Variants in NT5DC2 observed in about 807,000 individuals in gnomAD.
NT5DC2 encodes 5'-nucleotidase domain-containing protein 2.
In NT5DC2, 41 loss-of-function variants were observed where a neutral mutation model predicts 70.0. The ratio of observed to expected loss-of-function variants is 0.59; its 90% CI spans 0.46 to 0.76. NT5DC2 has a LOEUF of 0.76. Among genes scored for constraint, NT5DC2 ranks in the 30% least tolerant of loss-of-function variants. NT5DC2 has a pLI of 0.00. For missense variants in NT5DC2, 705 were observed against 783.2 expected, an observed-to-expected ratio of 0.90 and a Z score of 1.19; for synonymous variants, 299 against 310.4, an observed-to-expected ratio of 0.96 and a Z score of 0.39.
chr3:52,524,622 C>T lies in NT5DC2; in HGVS notation c.1522G>A (p.Ala508Thr). 2 of 1,613,118 alleles carry T rather than the reference C, an allele frequency of 1.2e-6. No homozygotes were observed. Among genetic ancestry groups the T allele is most frequent in the Non-Finnish European group, 1.7e-6 (2 of 1,180,024 alleles). Residue 508 changes from alanine to threonine, a missense_variant, in exon 14 of 14, where the codon GCC becomes ACC. Physicochemically the swap from Ala to Thr is moderately conservative, Grantham distance 58. Coordinates refer to ENST00000422318, the MANE Select transcript of NT5DC2 (RefSeq NM_001134231.2). The part of the protein sequence containing the change: ...RLVRFSDLYM[A>T]SLSCLLNYRV... ...TAGTTGAGCAGGCAGCTGAGGGAGG[C>T]CATGTAGAGGTCAGAGAAGCGCACG...
chr3:52,534,367 G>C (rs867287695), upstream of NT5DC2: 32 of 1,091,280 alleles, frequency 2.9e-5, no homozygotes, highest in African/African-American at 6.2e-5. Flanking sequence ...AACAAATAAA[G>C]AGCCCTTCCC....
At chr3:52,533,892 C>T (rs1559742693), upstream of NT5DC2, 4 of 949,364 alleles carry the variant, frequency 4.2e-6, no homozygotes, top group Non-Finnish European at 5.0e-6. Flanking sequence ...TGCCAATGGG[C>T]GCGCCCCTCG....
chr3:52,533,868 C>T (rs1359982393), upstream of NT5DC2: 8 of 977,186 alleles, frequency 8.2e-6, no homozygotes, highest in Non-Finnish European at 9.7e-6. Context: ...GGGTGCGGCG[C>T]GCGGAGCCCG....
At position 52,533,814 on chromosome 3, in the gene NT5DC2, C is replaced by T; in HGVS notation, c.-77G>A. The T allele has an allele frequency of 2.1e-6, 2 of 967,232 alleles. No homozygotes were observed. The highest frequency in any genetic ancestry group is 2.4e-6 in the Non-Finnish European group (2 of 822,716). 59.9% of individuals were successfully genotyped at this position (967,232 alleles called of 1,614,324 possible). ...CGCCGCCCGCCGCCCTCCGACTGCG[C>T]GCCCGCCACGGTGGCCTCGTGCTCC... On this transcript the variant is annotated 5_prime_UTR_variant, in exon 1 of 14. Transcript: ENST00000422318.
rs752535860 is a variant in NT5DC2 at position 52,524,437 on chromosome 3, G to GC, written c.*32dup. 1 of 1,611,956 alleles carries GC rather than the reference G, an allele frequency of 6.2e-7. No individual in the cohort carries two copies. The highest frequency in any genetic ancestry group is 8.5e-7 in the Non-Finnish European group (1 of 1,179,266). ...TGTCTGGGTGGATGGGGCAGGAGGGGCTGAGGGCCTGTCCCAGACAATAAA... is the reference window on the plus strand; with the variant it reads ...TGTCTGGGTGGATGGGGCAGGAGGGGCCTGAGGGCCTGTCCCAGACAATAAA... On this transcript the variant is annotated 3_prime_UTR_variant, in exon 14 of 14. Transcript: ENST00000422318.
chr3:52,533,400 G>A (rs765140839), intron 1 of NT5DC2, 106 bp downstream of exon 1: 12 of 1,224,592 alleles, frequency 9.8e-6, no homozygotes, highest in South Asian at 4.4e-5. Flanking sequence ...GGGCCCTGGC[G>A]AGCCCCACTG....
rs1011766754 is a variant in NT5DC2, at chr3:52,529,427, G to T, written c.233-93C>A. 1 of 1,264,254 alleles carries T rather than the reference G, an allele frequency of 7.9e-7. No individual in the cohort carries two copies. The highest frequency in any genetic ancestry group is 1.1e-6 in the Non-Finnish European group (1 of 899,728). The allele number at this position is 1,264,254 out of a possible 1,614,324, so 78.3% of individuals were successfully genotyped here. ...GCACTCTGTGGGGACCTAGCCCTGT[G>T]AGCCTCAGAAACGCCCCACAATGGC... On this transcript the variant is annotated intron_variant, in intron 1 of 13. Transcript: ENST00000422318. This position sits in a 1 kb window ranked among gnomAD's most constrained non-coding sequence, Gnocchi z 4.1.
intron 6 of NT5DC2, 29 bp downstream of exon 6, chr3:52,528,154 C>A (rs1255414999): frequency 1.2e-6 from 2 of 1,612,978 alleles, no homozygotes; most frequent in Non-Finnish European, 8.5e-7. Context: ...GTCTTTCCTG[C>A]CATCCGAGGG....
At position 52,524,521 on chromosome 3, in the gene NT5DC2, G is replaced by A. The variant is rs761853841; in HGVS notation, c.1623C>T (p.Cys541=). The change falls in exon 14 of 14, where the codon TGC becomes TGT. Residue 541 remains cysteine, a synonymous_variant. Transcript: ENST00000422318. ...HEAPLWMDQL[C]TGCMKTPFLG... ...GGAAGGGGGTCTTCATGCAGCCGGT[G>A]CAGAGCTGGTCCATCCAGAGGGGTG... is the stretch of plus-strand genomic sequence containing the variant. 1.2e-5 allele frequency: 20 copies of A among 1,613,000 alleles called. No homozygotes were observed. In the Admixed American group the frequency reaches 3.3e-4, roughly 27 times the overall value.
At position 52,525,056 on chromosome 3, in the gene NT5DC2, C is replaced by T; in HGVS notation, c.1254G>A (p.Glu418=). 1 of 1,597,300 alleles carries T rather than the reference C, an allele frequency of 6.3e-7. No individual in the cohort carries two copies. The highest frequency in any genetic ancestry group is 1.7e-4 in the Middle Eastern group (1 of 6,038). The change falls in exon 12 of 14, where the codon GAG becomes GAA. Residue 418 remains glutamate, a synonymous_variant. Transcript: ENST00000422318. ...HGWRTGAIIP[E]LEREIRIINT... The stretch of plus-strand genomic sequence containing the variant: ...TGATGATGCGGATCTCACGCTCCAG[C>T]TCGGGGATGATGGCGCCTGTGCGCC...
Position 52,524,627 on chromosome 3 carries a change from T to C in NT5DC2, c.1517A>G (p.Tyr506Cys), listed in dbSNP as rs1021601040. 3 of 1,613,106 alleles carry C rather than the reference T, an allele frequency of 1.9e-6. No individual in the cohort carries two copies. Among genetic ancestry groups the C allele is most frequent in the Non-Finnish European group, 2.5e-6 (3 of 1,180,012 alleles). ...GAGCAGGCAGCTGAGGGAGGCCATG[T>C]AGAGGTCAGAGAAGCGCACGAGGCG... Reference protein sequence around the residue: ...SRRLVRFSDLYMASLSCLLNY... With the variant: ...SRRLVRFSDLCMASLSCLLNY... The change falls in exon 14 of 14, where the codon TAC becomes TGC. Residue 506 changes from tyrosine to cysteine, a missense_variant. Coordinates refer to ENST00000422318, the MANE Select transcript of NT5DC2 (RefSeq NM_001134231.2).
Position 52,525,529 on chromosome 3 carries a change from G to C in NT5DC2, c.1120-234C>G, listed in dbSNP as rs1004105929. 11 of 555,822 alleles carry C rather than the reference G, an allele frequency of 2.0e-5. No homozygotes were observed. The Admixed American group carries it at 3.2e-4, about 16-fold the overall frequency. 34.4% of individuals were successfully genotyped at this position (555,822 alleles called of 1,614,324 possible). A position where few individuals can be genotyped will look rare whatever the true frequency, so the allele number is the denominator to read the frequency against. ...AGGCCTGGCATGGTGCCCATGCCTC[G>C]AGGGCCTTCTCCCTGTGGTCTCACA... is the stretch of plus-strand genomic sequence containing the variant. On this transcript the variant is annotated intron_variant, in intron 10 of 13. Transcript: ENST00000422318.
In NT5DC2 at chr3:52,528,030, C is replaced by G; in HGVS notation, c.815G>C (p.Trp272Ser). 1.2e-6 allele frequency: 2 copies of G among 1,612,036 alleles called. No homozygotes were observed. The highest frequency in any genetic ancestry group is 4.5e-5 in the East Asian group (2 of 44,842). ...ACACTTACCCATGTCCTGCTCGATC[C>G]ACTGGTACATGAGGCCCTTCACATG... ...DVHVKGLMYQWIEQDMEKYIL... is the reference protein window; with the variant it reads ...DVHVKGLMYQSIEQDMEKYIL... Residue 272 changes from tryptophan (W) to serine (S), a missense_variant, in exon 7 of 14, where the codon TGG becomes TCG. Trp to Ser is a radical substitution (Grantham distance 177). Transcript: ENST00000422318.
In NT5DC2 at chr3:52,528,221, G is replaced by A. The variant is rs2079308171; in HGVS notation, c.733C>T (p.Leu245=). 2 of 1,613,342 alleles carry A rather than the reference G, an allele frequency of 1.2e-6. No homozygotes were observed. The highest frequency in any genetic ancestry group is 1.7e-6 in the Non-Finnish European group (2 of 1,180,026). The part of the protein sequence containing the change: ...CVVDYFLGHS[L]EFDQAHLYKD... Reference sequence around the variant, plus strand: ...TAGAGATGTGCTTGGTCAAACTCCAGGCTGTGGCCCAGAAAGTAGTCCACC... The same window carrying A: ...TAGAGATGTGCTTGGTCAAACTCCAAGCTGTGGCCCAGAAAGTAGTCCACC... The change falls in exon 6 of 14, where the codon CTG becomes TTG. Residue 245 remains leucine (L), a synonymous_variant. Coordinates refer to ENST00000422318, the MANE Select transcript of NT5DC2 (RefSeq NM_001134231.2).
At chr3:52,533,970 C>G (rs1198756261), upstream of NT5DC2, 1 of 391,646 alleles carries the variant, frequency 2.6e-6, no homozygotes, top group East Asian at 1.6e-4. Flanking sequence ...CCAGCCCCCT[C>G]CCCCAGCCAG....
In NT5DC2 at chr3:52,524,693, C is replaced by T; in HGVS notation, c.1451G>A (p.Ser484Asn). 6.2e-7 allele frequency: 1 copy of T among 1,612,752 alleles called. No individual in the cohort carries two copies. ...GGGGTTGTGGAAGGTGCGGAAGATG[C>T]TGCCGAACTGCGCATTGAACAGGGC... is the stretch of plus-strand genomic sequence containing the variant. ...TKALFNAQFG[S>N]IFRTFHNPTY... The change falls in exon 14 of 14, where the codon AGC (serine) becomes AAC (asparagine). Residue 484 changes from serine to asparagine, a missense_variant. Transcript: ENST00000422318.
rs2153239729 is a variant in NT5DC2 at position 52,529,644 on chromosome 3, A to T, written c.233-310T>A. Among the ~76,000 whole-genome samples, 1 of 152,134 alleles carries T rather than the reference A, an allele frequency of 6.6e-6. No homozygotes were observed. The highest frequency in any genetic ancestry group is 6.5e-5 in the Admixed American group (1 of 15,284). On this transcript the variant is annotated intron_variant, in intron 1 of 13. Coordinates refer to ENST00000422318, the MANE Select transcript of NT5DC2 (RefSeq NM_001134231.2). The surrounding 1 kb of genome is among the most constrained non-coding windows in gnomAD (Gnocchi z 4.1). Reference sequence around the variant, plus strand: ...TGACTACTCCAGGCCCTCACCACTAAGCCCCATCAGACACAAGGCCATGCT... The same window carrying T: ...TGACTACTCCAGGCCCTCACCACTATGCCCCATCAGACACAAGGCCATGCT...
chr3:52,528,214 A>G lies in NT5DC2; in HGVS notation c.740T>C (p.Phe247Ser), dbSNP rs746544496. The change falls in exon 6 of 14, where the codon TTT (phenylalanine) becomes TCT (serine). Residue 247 changes from phenylalanine to serine, a missense_variant. Physicochemically the swap from Phe to Ser is radical, Grantham distance 155. Coordinates refer to ENST00000422318, the MANE Select transcript of NT5DC2 (RefSeq NM_001134231.2). Reference sequence around the variant, plus strand: ...GTCCTTGTAGAGATGTGCTTGGTCAAACTCCAGGCTGTGGCCCAGAAAGTA... The same window carrying G: ...GTCCTTGTAGAGATGTGCTTGGTCAGACTCCAGGCTGTGGCCCAGAAAGTA... ...VDYFLGHSLE[F>S]DQAHLYKDVT... is the part of the protein sequence containing the mutation. 1.2e-6 allele frequency: 2 copies of G among 1,613,288 alleles called. No homozygotes were observed. Among genetic ancestry groups the G allele is most frequent in the Admixed American group, 1.7e-5 (1 of 60,030 alleles).
At chr3:52,526,850 G>A (rs2079282333) in intron 10 of NT5DC2, among the ~76,000 whole-genome samples, 1 of 152,160 alleles carries the variant, frequency 6.6e-6, no homozygotes, top group Admixed American at 6.5e-5. Flanking sequence ...TAGTAGAGAT[G>A]GGGTTTCGCC....
Sources: allele counts gnomAD v4.1 joint callset (sites outside exome capture counted in the v4.1 genomes callset), GRCh38; gene constraint gnomAD v4.1.1; non-coding constraint Gnocchi (gnomAD v3.1); transcripts MANE v1.5; gene names NCBI Gene and HGNC (gene_info 2026-07-23, HGNC 2026-07-21).